Variants in TCERG1L observed in about 807,000 individuals in gnomAD.
The protein encoded by TCERG1L is transcription elongation regulator 1 like.
Under a neutral mutation model 56.3 loss-of-function variants are expected in TCERG1L, and 37 were observed. The observed-to-expected ratio is 0.66, with a 90% CI of 0.51 to 0.87. TCERG1L has a LOEUF of 0.87. TCERG1L is among the 40% of genes least tolerant of loss of function. The pLI, the probability that TCERG1L is intolerant of heterozygous loss-of-function variation, is 0.00. For missense variants in TCERG1L, 799 were observed against 774.2 expected, an observed-to-expected ratio of 1.03 and a Z score of -0.38; for synonymous variants, 324 against 326.3, an observed-to-expected ratio of 0.99 and a Z score of 0.08.
Position 131,260,587 on chromosome 10 carries a change from G to A in TCERG1L, c.671-143C>T, listed in dbSNP as rs1846228069. 4 of 1,064,926 alleles carry A rather than the reference G, an allele frequency of 3.8e-6. No homozygotes were observed. Among genetic ancestry groups the A allele is most frequent in the Non-Finnish European group, 4.9e-6 (4 of 821,766 alleles). The allele number at this position is 1,064,926 out of a possible 1,614,324, so 66.0% of individuals were successfully genotyped here. A position where few individuals can be genotyped will look rare whatever the true frequency, so the allele number is the denominator to read the frequency against. Reference sequence around the variant, plus strand: ...CCTCTTTAATGGAGGCCCACAGTATGTGCCACCGTCCGCAGAACAAATGCT... The same window carrying A: ...CCTCTTTAATGGAGGCCCACAGTATATGCCACCGTCCGCAGAACAAATGCT... On this transcript the variant is annotated intron_variant, in intron 3 of 11. Transcript: ENST00000368642. The surrounding 1 kb of genome is among the most constrained non-coding windows in gnomAD (Gnocchi z 5.8).
chr10:131,093,248 C>G lies in TCERG1L; in HGVS notation c.1675G>C (p.Asp559His). The stretch of plus-strand genomic sequence containing the variant: ...AATTGGTTGAAAAAATGCTCCTGGT[C>G]CTTTCTTTTTTGAACAAGTCGGAAC... ...QRFRLVQKRK[D>H]QEHFFNQFIL... is the part of the protein sequence containing the mutation. Residue 559 changes from aspartate (D) to histidine (H), a missense_variant, in exon 12 of 12, where the codon GAC becomes CAC. By Grantham distance (81) the Asp-to-His change is moderately conservative. Coordinates refer to ENST00000368642, the MANE Select transcript of TCERG1L (RefSeq NM_174937.4). 6.2e-7 allele frequency: 1 copy of G among 1,613,974 alleles called. No individual in the cohort carries two copies. Among genetic ancestry groups the G allele is most frequent in the Non-Finnish European group, 8.5e-7 (1 of 1,179,856 alleles).
intron 3 of TCERG1L, among the ~76,000 whole-genome samples, chr10:131,293,103 G>C (rs763300031): frequency 1.3e-5 from 2 of 151,970 alleles, no homozygotes; most frequent in Non-Finnish European, 2.9e-5. Context: ...TGCTTGCCTC[G>C]GCCTCCCAAA....
intron 3 of TCERG1L, among the ~76,000 whole-genome samples, chr10:131,292,999 C>A (rs1424921757): frequency 1.3e-5 from 2 of 151,902 alleles, no homozygotes; most frequent in Non-Finnish European, 2.9e-5. Flanking sequence ...TACAGGTACA[C>A]GCCACCGCAC....
chr10:131,168,771 C>T (rs922550045), intron 4 of TCERG1L, among the ~76,000 whole-genome samples: 5 of 152,186 alleles, frequency 3.3e-5, no homozygotes, highest in Admixed American at 3.3e-4. Context: ...CCTGAGGGCG[C>T]CGGCCTCCTC....
chr10:131,252,532 G>A (rs1183619384), intron 4 of TCERG1L, among the ~76,000 whole-genome samples: 4 of 152,070 alleles, frequency 2.6e-5, no homozygotes, highest in Non-Finnish European at 5.9e-5. Flanking sequence ...TCCTCCCCTA[G>A]GGCACGGATT....
At chr10:131,285,604 G>C (rs1006347037) in intron 3 of TCERG1L, among the ~76,000 whole-genome samples, 1 of 152,142 alleles carries the variant, frequency 6.6e-6, no homozygotes, top group Admixed American at 6.5e-5. Flanking sequence ...TGGCAGGGCA[G>C]CTTCACACAA....
At chr10:131,127,753 G>A (rs1053366163) in intron 8 of TCERG1L, among the ~76,000 whole-genome samples, 3 of 152,042 alleles carry the variant, frequency 2.0e-5, no homozygotes, top group East Asian at 1.9e-4. Context: ...GACACAGCCC[G>A]TGTCACAACA....
Position 131,287,098 on chromosome 10 carries a change from G to C in TCERG1L, c.670+21113C>G, listed in dbSNP as rs576370239. On this transcript the variant is annotated intron_variant, in intron 3 of 11. Coordinates refer to ENST00000368642, the MANE Select transcript of TCERG1L (RefSeq NM_174937.4). Reference sequence around the variant, plus strand: ...TGTTTTGTTATACTTTTACAAACATGAGTGCCAGAAAATTTTAAATTCCAT... The same window carrying C: ...TGTTTTGTTATACTTTTACAAACATCAGTGCCAGAAAATTTTAAATTCCAT... Among the ~76,000 whole-genome samples, 46 of 152,298 alleles carry C rather than the reference G, an allele frequency of 3.0e-4. No homozygotes were observed. The South Asian group carries it at 9.1e-3, about 30-fold the overall frequency.
chr10:131,141,369 G>A (rs1243129468), intron 7 of TCERG1L, among the ~76,000 whole-genome samples: 3 of 150,992 alleles, frequency 2.0e-5, no homozygotes, highest in Non-Finnish European at 4.4e-5. Flanking sequence ...GCCTCCTGGG[G>A]TCCAGTGTGA....
At chr10:131,120,873 G>A (rs919256293) in intron 8 of TCERG1L, among the ~76,000 whole-genome samples, 1 of 152,172 alleles carries the variant, frequency 6.6e-6, no homozygotes, top group African/African-American at 2.4e-5. Context: ...TGCAGGTGCG[G>A]TGTGTCCACC....
chr10:131,202,961 G>T (rs181456839), intron 4 of TCERG1L, among the ~76,000 whole-genome samples: 8 of 152,262 alleles, frequency 5.3e-5, no homozygotes, highest in African/African-American at 1.4e-4. Context: ...TATTAACCAG[G>T]TGCCATCCTA....
intron 4 of TCERG1L, among the ~76,000 whole-genome samples, chr10:131,178,161 C>T (rs1341670274): frequency 6.6e-6 from 1 of 152,164 alleles, no homozygotes; most frequent in East Asian, 1.9e-4. Context: ...GCAGGAGGCA[C>T]CACGTGAGGC....
intron 4 of TCERG1L, among the ~76,000 whole-genome samples, chr10:131,196,186 C>T (rs1394621828): frequency 6.6e-6 from 1 of 152,240 alleles, no homozygotes; most frequent in Non-Finnish European, 1.5e-5. Context: ...AGACACCTGT[C>T]ACACACAGAT....
intron 4 of TCERG1L, among the ~76,000 whole-genome samples, chr10:131,186,070 C>T (rs1295179556): frequency 1.3e-5 from 2 of 152,082 alleles, no homozygotes; most frequent in African/African-American, 2.4e-5. Context: ...GCAGATGAAC[C>T]CCGAAGACAT....
chr10:131,225,746 C>T (rs984596679), intron 4 of TCERG1L, among the ~76,000 whole-genome samples: 1 of 151,904 alleles, frequency 6.6e-6, no homozygotes, highest in Non-Finnish European at 1.5e-5. Flanking sequence ...TGACCCCCCT[C>T]CCAACTCCCT....
Position 131,111,667 on chromosome 10 carries a change from C to G in TCERG1L, c.1395+5132G>C, listed in dbSNP as rs1353823107. Among the ~76,000 whole-genome samples, 4 of 142,914 alleles carry G rather than the reference C, an allele frequency of 2.8e-5. 1 individual carries two copies. The allele number at this position is 142,914 out of a possible 152,430, so 93.8% of individuals were successfully genotyped here. ...ATACGGTCACGATTTCCTCGCACAG[C>G]CTGACCTTCCCCTCGTCCACGCCCC... is the stretch of plus-strand genomic sequence containing the variant. On this transcript the variant is annotated intron_variant, in intron 9 of 11. Transcript: ENST00000368642.
chr10:131,286,485 G>A (rs749900604), intron 3 of TCERG1L, among the ~76,000 whole-genome samples: 2 of 152,124 alleles, frequency 1.3e-5, no homozygotes, highest in Non-Finnish European at 2.9e-5. Flanking sequence ...ACATTAACTG[G>A]AGCTAGGAGT....
intron 3 of TCERG1L, among the ~76,000 whole-genome samples, chr10:131,285,809 G>A (rs1846533969): frequency 6.6e-6 from 1 of 152,046 alleles, no homozygotes; most frequent in South Asian, 2.1e-4. Flanking sequence ...ATCTAAAAAG[G>A]TAAAACATTG....
At chr10:131,109,710 G>C (rs978557554) in intron 9 of TCERG1L, among the ~76,000 whole-genome samples, 2 of 152,178 alleles carry the variant, frequency 1.3e-5, no homozygotes, top group Admixed American at 1.3e-4. Flanking sequence ...GGCTGGAGTT[G>C]TGCCCTTTCT....
Sources: allele counts gnomAD v4.1 joint callset (sites outside exome capture counted in the v4.1 genomes callset), GRCh38; gene constraint gnomAD v4.1.1; non-coding constraint Gnocchi (gnomAD v3.1); transcripts MANE v1.5; gene names NCBI Gene and HGNC (gene_info 2026-07-23, HGNC 2026-07-21).